UNC13C: variants seen among roughly 807,000 people sequenced by gnomAD.
UNC13C encodes protein unc-13 homolog C.
UNC13C carries 174 observed loss-of-function variants against 245.4 expected under a neutral mutation model. The observed-to-expected ratio is 0.71, with a 90% CI of 0.63 to 0.80. UNC13C has a LOEUF of 0.80. UNC13C is among the 30% of genes least tolerant of loss of function. The pLI, the probability that UNC13C is intolerant of heterozygous loss-of-function variation, is 0.00. For missense variants in UNC13C, 2,829 were observed against 2,602.9 expected, an observed-to-expected ratio of 1.09 and a Z score of -1.89; for synonymous variants, 992 against 895.1, an observed-to-expected ratio of 1.11 and a Z score of -1.93.
chr15:53,920,456 A>T, the UNC13C span, among the ~76,000 whole-genome samples: 28,692 of 152,042 alleles, frequency 0.19, 3,520 homozygotes, highest in East Asian at 0.33. Context: ...TGGCAGGCTG[A>T]GGCAGGAAAA....
At chr15:54,632,582 T>TTCA (rs753715058), downstream of UNC13C, 13 of 152,216 alleles carry the variant, frequency 8.5e-5, no homozygotes, top group Non-Finnish European at 1.6e-4. Context: ...GAAACTAATT[T>TTCA]TCATAGGCAT....
the UNC13C span, among the ~76,000 whole-genome samples, chr15:53,878,926 A>G: frequency 6.6e-6 from 1 of 152,184 alleles, no homozygotes; most frequent in African/African-American, 2.4e-5. Context: ...TTGCAATATT[A>G]TATTATGAGC....
At chr15:54,482,759 A>G (rs1463220196) in intron 19 of UNC13C, among the ~76,000 whole-genome samples, 3 of 147,238 alleles carry the variant, frequency 2.0e-5, no homozygotes, top group African/African-American at 5.0e-5. Context: ...GTTGATATAT[A>G]TTGCCAATTT....
intron 26 of UNC13C, among the ~76,000 whole-genome samples, chr15:54,544,414 C>T (rs1228247261): frequency 1.3e-5 from 2 of 152,140 alleles, no homozygotes; most frequent in African/African-American, 2.4e-5. Flanking sequence ...TCTCACCACT[C>T]CTGTTTAACA....
At chr15:53,861,542 T>A in the UNC13C span, among the ~76,000 whole-genome samples, 1 of 152,182 alleles carries the variant, frequency 6.6e-6, no homozygotes. Context: ...TATATGGTGC[T>A]TGTCAAAAAC....
intron 14 of UNC13C, among the ~76,000 whole-genome samples, chr15:54,327,193 CAAAT>C (rs1311046128): frequency 2.0e-5 from 3 of 151,888 alleles, no homozygotes; most frequent in Admixed American, 6.6e-5. Context: ...ATACAAATAT[CAAAT>C]AAATCAATTG....
intron 13 of UNC13C, among the ~76,000 whole-genome samples, chr15:54,309,424 T>C (rs144830568): frequency 1.0e-3 from 152 of 152,044 alleles, no homozygotes; most frequent in African/African-American, 3.4e-3. Context: ...AAATGTATAG[T>C]TGGCAAATTT....
intron 19 of UNC13C, among the ~76,000 whole-genome samples, chr15:54,479,559 G>A (rs1372683471): frequency 6.6e-6 from 1 of 151,934 alleles, no homozygotes; most frequent in Non-Finnish European, 1.5e-5. Context: ...ATTTAAAACA[G>A]TTTGCATTCC....
At chr15:53,898,824 G>A in the UNC13C span, among the ~76,000 whole-genome samples, 1 of 152,068 alleles carries the variant, frequency 6.6e-6, no homozygotes, top group South Asian at 2.1e-4. Flanking sequence ...CAAATTTCAA[G>A]TATACAATAC....
chr15:54,286,755 G>A (rs2037160722), intron 10 of UNC13C, among the ~76,000 whole-genome samples: 2 of 152,122 alleles, frequency 1.3e-5, no homozygotes, highest in African/African-American at 2.4e-5. Flanking sequence ...TAAGTGATTG[G>A]CTCTGCAGAG....
At position 54,333,833 on chromosome 15, in the gene UNC13C, A is replaced by C; in HGVS notation, c.4561A>C (p.Ser1521Arg). Residue 1521 changes from serine to arginine, a missense_variant, in exon 16 of 33, where the codon AGT becomes CGT. Transcript: ENST00000260323. The stretch of plus-strand genomic sequence containing the variant: ...GAAATCAACTGTTGACCTGTTAACA[A>C]GTATCACCTTTTTTAGGATGAAGGT... The part of the protein sequence containing the change: ...DLKSTVDLLT[S>R]ITFFRMKVLE... 1 of 1,604,890 alleles carries C rather than the reference A, an allele frequency of 6.2e-7. No homozygotes were observed. The highest frequency in any genetic ancestry group is 8.5e-7 in the Non-Finnish European group (1 of 1,174,980).
chr15:54,542,622 G>C (rs567377265), intron 26 of UNC13C, among the ~76,000 whole-genome samples: 1 of 152,222 alleles, frequency 6.6e-6, no homozygotes, highest in South Asian at 2.1e-4. Context: ...CACTATTATT[G>C]TATGGGAGAC....
At chr15:54,605,687 A>T (rs1364161609) in intron 30 of UNC13C, among the ~76,000 whole-genome samples, 1 of 152,332 alleles carries the variant, frequency 6.6e-6, no homozygotes, top group African/African-American at 2.4e-5. Flanking sequence ...GCAGGTGCCC[A>T]GTGAATGTTT....
chr15:54,113,897 G>T (rs185951378), intron 2 of UNC13C, among the ~76,000 whole-genome samples: 2 of 152,122 alleles, frequency 1.3e-5, no homozygotes, highest in African/African-American at 4.8e-5. Context: ...AATTAAAAAT[G>T]TACCTGTGTA....
chr15:54,375,016 C>A (rs1034139146), intron 17 of UNC13C, among the ~76,000 whole-genome samples: 1 of 152,144 alleles, frequency 6.6e-6, no homozygotes, highest in Non-Finnish European at 1.5e-5. Context: ...TAGGTTATTT[C>A]CAGTTTGAGG....
chr15:54,582,585 G>A (rs566668934), intron 30 of UNC13C, among the ~76,000 whole-genome samples: 1 of 152,204 alleles, frequency 6.6e-6, no homozygotes, highest in South Asian at 2.1e-4. Flanking sequence ...GTGAAGATGA[G>A]GGCAGAGTAA....
At chr15:54,419,061 T>A (rs1256087287) in intron 19 of UNC13C, among the ~76,000 whole-genome samples, 1 of 152,166 alleles carries the variant, frequency 6.6e-6, no homozygotes, top group Non-Finnish European at 1.5e-5. Context: ...TCATGCTGAC[T>A]AAAATATTTG....
At chr15:54,607,941 A>G (rs753877890) in intron 30 of UNC13C, among the ~76,000 whole-genome samples, 1 of 152,124 alleles carries the variant, frequency 6.6e-6, no homozygotes, top group Non-Finnish European at 1.5e-5. Flanking sequence ...TCAGACAAAC[A>G]GTAGTTTTTA....
chr15:53,843,953 A>G, the UNC13C span, among the ~76,000 whole-genome samples: 4 of 152,204 alleles, frequency 2.6e-5, no homozygotes, highest in Admixed American at 2.0e-4. Flanking sequence ...GAGAAAAGAA[A>G]TCAGACGGAG....
Sources: gnomAD v4.1 joint callset for allele counts (sites outside exome capture counted in the v4.1 genomes callset) on GRCh38, gnomAD v4.1.1 for gene constraint, MANE v1.5 for transcripts, NCBI Gene and HGNC (gene_info 2026-07-23, HGNC 2026-07-21) for gene names.